CXCL5: variants seen among roughly 807,000 people sequenced by gnomAD.
The protein encoded by CXCL5 is C-X-C motif chemokine ligand 5, also known as C-X-C motif chemokine 5.
A neutral mutation model predicts 12.1 loss-of-function variants in CXCL5; 13 were observed. The observed-to-expected ratio is 1.08, with a 90% confidence interval of 0.70 to 1.71. The LOEUF (loss-of-function observed/expected upper bound fraction) is 1.71, where lower values mean the gene tolerates loss of function less well. CXCL5 is among the 40% of genes most tolerant of loss of function. CXCL5 has a pLI of 0.00. For synonymous variants in CXCL5, 67 were observed against 59.0 expected (o/e 1.14, Z -0.62); for missense variants, 159 against 142.4 (o/e 1.12, Z -0.59).
Position 73,998,281 on chromosome 4 carries a change from T to C in CXCL5, c.167A>G (p.Gln56Arg). 5 of 1,614,194 alleles carry C rather than the reference T, an allele frequency of 3.1e-6. No homozygotes were observed. Among genetic ancestry groups the C allele is most frequent in the Non-Finnish European group, 4.2e-6 (5 of 1,180,034 alleles). The change falls in exon 2 of 4, where the codon CAA becomes CGA. Residue 56 changes from glutamine to arginine, a missense_variant. Physicochemically the swap from Gln to Arg is conservative, Grantham distance 43. Coordinates refer to ENST00000296027, the MANE Select transcript of CXCL5 (RefSeq NM_002994.5). ...ELRCVCLQTT[Q>R]GVHPKMISNL... ...ACTGATCATTTTGGGATGAACTCCT[T>C]GCGTGGTCTGTAAACAAACGCAACG...
chr4:73,997,782 G>A, intron 3 of CXCL5, 127 bp from the exon 4 acceptor site: 6 of 825,372 alleles, frequency 7.3e-6, no homozygotes, highest in Non-Finnish European at 9.6e-6. Context: ...AAAGCAATGG[G>A]TAAACAAAAA....
rs201625120 is a variant in CXCL5, at chr4:73,996,089, C to G, written c.*1548G>C. ...AAAAAGGGAGGAGCTTTCCTACAAG[C>G]CTTTTCACAAGTGTCACATTTTCTC... is the stretch of plus-strand genomic sequence containing the variant. On this transcript the variant is annotated 3_prime_UTR_variant, in exon 4 of 4. Coordinates refer to ENST00000296027, the MANE Select transcript of CXCL5 (RefSeq NM_002994.5). The G allele has an allele frequency of 6.6e-6, 1 of 152,432 alleles. No homozygotes were observed. The highest frequency in any genetic ancestry group is 2.4e-5 in the African/African-American group (1 of 41,392). The allele number at this position is 152,432 out of a possible 1,614,324, so 9.4% of individuals were successfully genotyped here. A position where few individuals can be genotyped will look rare whatever the true frequency, so the allele number is the denominator to read the frequency against.
At chr4:73,997,794 CAT>C (rs1719230041) in intron 3 of CXCL5, 139 bp from the exon 4 acceptor site, 1 of 785,922 alleles carries the variant, frequency 1.3e-6, no homozygotes, top group Non-Finnish European at 2.1e-6. Flanking sequence ...AAACAAAAAA[CAT>C]AACTTAGTGA....
rs139084547 is a variant in CXCL5 at position 73,996,446 on chromosome 4, A to T, written c.*1191T>A. ...GGGCCAAAGCTGTGAGTGGGGAGGG[A>T]ACTTGCCCCAGCGTGGCCACCTTAT... On this transcript the variant is annotated 3_prime_UTR_variant, in exon 4 of 4. Coordinates refer to ENST00000296027, the MANE Select transcript of CXCL5 (RefSeq NM_002994.5). 1,215 of 152,656 alleles carry T rather than the reference A, an allele frequency of 8.0e-3. 3 individuals carry two copies. The highest frequency in any genetic ancestry group is 0.012 in the Non-Finnish European group (815 of 68,030). The allele number at this position is 152,656 out of a possible 1,614,324, so 9.5% of individuals were successfully genotyped here. A position where few individuals can be genotyped will look rare whatever the true frequency, so the allele number is the denominator to read the frequency against.
In CXCL5 at chr4:73,996,932, A is replaced by G. The variant is rs1256569147; in HGVS notation, c.*705T>C. On this transcript the variant is annotated 3_prime_UTR_variant, in exon 4 of 4. Transcript: ENST00000296027. ...ATATAAAATCAAAGTTTAAAAGTAAATGATGGCAGTTTGCCATACTAAAAA... is the reference window on the plus strand; with the variant it reads ...ATATAAAATCAAAGTTTAAAAGTAAGTGATGGCAGTTTGCCATACTAAAAA... The G allele has an allele frequency of 1.3e-5, 2 of 152,228 alleles. No homozygotes were observed. Among genetic ancestry groups the G allele is most frequent in the African/African-American group, 4.8e-5 (2 of 41,460 alleles). 9.4% of individuals were successfully genotyped at this position (152,228 alleles called of 1,614,324 possible).
At position 73,996,529 on chromosome 4, in the gene CXCL5, A is replaced by C. The variant is rs1719197462; in HGVS notation, c.*1108T>G. 2 of 152,578 alleles carry C rather than the reference A, an allele frequency of 1.3e-5. No homozygotes were observed. The highest frequency in any genetic ancestry group is 4.8e-5 in the African/African-American group (2 of 41,500). 9.5% of individuals were successfully genotyped at this position (152,578 alleles called of 1,614,324 possible). On this transcript the variant is annotated 3_prime_UTR_variant, in exon 4 of 4. Transcript: ENST00000296027. ...CTTCTTCAAATTATGATTTTGGAAA[A>C]TCTAACCCATACAGAGGGATAAAAA...
Position 73,997,745 on chromosome 4 carries a change from T to TA in CXCL5, c.327-91dup, listed in dbSNP as rs1045977188. 15 of 1,089,592 alleles carry TA rather than the reference T, an allele frequency of 1.4e-5. No individual in the cohort carries two copies. The African/African-American group carries it at 1.7e-4, about 13-fold the overall frequency. 67.5% of individuals were successfully genotyped at this position (1,089,592 alleles called of 1,614,324 possible). ...AAAACTCAGCGTTTATGATGTTTGG[T>TA]AAAAAAGGAGAATACAAAAATCAAT... is the stretch of plus-strand genomic sequence containing the variant. On this transcript the variant is annotated intron_variant, in intron 3 of 3. Transcript: ENST00000296027.
At position 73,996,554 on chromosome 4, in the gene CXCL5, A is replaced by G. The variant is rs575603094; in HGVS notation, c.*1083T>C. 6.6e-6 allele frequency: 1 copy of G among 152,626 alleles called. No individual in the cohort carries two copies. The highest frequency in any genetic ancestry group is 1.9e-4 in the East Asian group (1 of 5,188). 9.5% of individuals were successfully genotyped at this position (152,626 alleles called of 1,614,324 possible). A position where few individuals can be genotyped will look rare whatever the true frequency, so the allele number is the denominator to read the frequency against. On this transcript the variant is annotated 3_prime_UTR_variant, in exon 4 of 4. Transcript: ENST00000296027. ...ATCTAACCCATACAGAGGGATAAAA[A>G]ATTGACATCCCTTGGACAACTTCTC...
chr4:73,997,472 C>T lies in CXCL5; in HGVS notation c.*165G>A, dbSNP rs1430139064. 6.4e-6 allele frequency: 4 copies of T among 624,494 alleles called. No individual in the cohort carries two copies. In the East Asian group the frequency reaches 8.1e-5, roughly 13 times the overall value. 38.7% of individuals were successfully genotyped at this position (624,494 alleles called of 1,614,324 possible). A position where few individuals can be genotyped will look rare whatever the true frequency, so the allele number is the denominator to read the frequency against. The stretch of plus-strand genomic sequence containing the variant: ...AAGCGGCAAACATAGGTTTTCCTCA[C>T]ACTCTTCAAAGTGAGGAATCCAGGA... On this transcript the variant is annotated 3_prime_UTR_variant, in exon 4 of 4. Transcript: ENST00000296027.
rs202032683 is a variant in CXCL5, at chr4:73,996,593, G to T, written c.*1044C>A. ...GGACAACTTCTCCTTGTTTTTTTTT[G>T]TTTTGTTTTGTTTTTAACATTCCAA... is the stretch of plus-strand genomic sequence containing the variant. On this transcript the variant is annotated 3_prime_UTR_variant, in exon 4 of 4. Transcript: ENST00000296027. The T allele has an allele frequency of 8.6e-5, 13 of 151,594 alleles. No individual in the cohort carries two copies. Among genetic ancestry groups the T allele is most frequent in the South Asian group, 8.3e-4 (4 of 4,794 alleles). The allele number at this position is 151,594 out of a possible 1,614,324, so 9.4% of individuals were successfully genotyped here. A position where few individuals can be genotyped will look rare whatever the true frequency, so the allele number is the denominator to read the frequency against.
chr4:73,998,381 G>A, intron 1 of CXCL5, 43 bp from the exon 2 acceptor site: 3 of 1,611,366 alleles, frequency 1.9e-6, no homozygotes, highest in Non-Finnish European at 2.5e-6. Flanking sequence ...CAGGTTGCTG[G>A]GAGAGTTCCC....
Position 73,998,619 on chromosome 4 carries a change from T to A in CXCL5, c.-38A>T. ...AGCGCTGCGAGCGGTCGCGGGTTCC[T>A]GAACTGGGTGGAGGAGCGGAGATTG... On this transcript the variant is annotated 5_prime_UTR_variant, in exon 1 of 4. Coordinates refer to ENST00000296027, the MANE Select transcript of CXCL5 (RefSeq NM_002994.5). The A allele has an allele frequency of 2.0e-6, 3 of 1,531,272 alleles. No individual in the cohort carries two copies. Among genetic ancestry groups the A allele is most frequent in the Non-Finnish European group, 1.8e-6 (2 of 1,127,622 alleles). 94.9% of individuals were successfully genotyped at this position (1,531,272 alleles called of 1,614,324 possible). A position where few individuals can be genotyped will look rare whatever the true frequency, so the allele number is the denominator to read the frequency against.
At position 73,996,302 on chromosome 4, in the gene CXCL5, A is replaced by G. The variant is rs1329932992; in HGVS notation, c.*1335T>C. The G allele has an allele frequency of 6.6e-6, 1 of 152,550 alleles. No homozygotes were observed. The highest frequency in any genetic ancestry group is 1.5e-5 in the Non-Finnish European group (1 of 68,018). The allele number at this position is 152,550 out of a possible 1,614,324, so 9.4% of individuals were successfully genotyped here. On this transcript the variant is annotated 3_prime_UTR_variant, in exon 4 of 4. Transcript: ENST00000296027. Reference sequence around the variant, plus strand: ...TAGAACAGGCTTTACATTCAGACAGAAATGCTTCAAAATCCCAGTGAAATG... The same window carrying G: ...TAGAACAGGCTTTACATTCAGACAGGAATGCTTCAAAATCCCAGTGAAATG...
In CXCL5 at chr4:73,996,567, T is replaced by C. The variant is rs1719198999; in HGVS notation, c.*1070A>G. The stretch of plus-strand genomic sequence containing the variant: ...AGAGGGATAAAAAATTGACATCCCT[T>C]GGACAACTTCTCCTTGTTTTTTTTT... On this transcript the variant is annotated 3_prime_UTR_variant, in exon 4 of 4. Coordinates refer to ENST00000296027, the MANE Select transcript of CXCL5 (RefSeq NM_002994.5). The C allele has an allele frequency of 6.6e-6, 1 of 152,620 alleles. No individual in the cohort carries two copies. Among genetic ancestry groups the C allele is most frequent in the Non-Finnish European group, 1.5e-5 (1 of 68,032 alleles). The allele number at this position is 152,620 out of a possible 1,614,324, so 9.5% of individuals were successfully genotyped here.
In CXCL5 at chr4:73,996,960, TAAAG is replaced by T. The variant is rs1488052710; in HGVS notation, c.*673_*676del. 1 of 152,128 alleles carries T rather than the reference TAAAG, an allele frequency of 6.6e-6. No homozygotes were observed. The highest frequency in any genetic ancestry group is 1.5e-5 in the Non-Finnish European group (1 of 67,998). 9.4% of individuals were successfully genotyped at this position (152,128 alleles called of 1,614,324 possible). A position where few individuals can be genotyped will look rare whatever the true frequency, so the allele number is the denominator to read the frequency against. On this transcript the variant is annotated 3_prime_UTR_variant, in exon 4 of 4. Coordinates refer to ENST00000296027, the MANE Select transcript of CXCL5 (RefSeq NM_002994.5). ...ATGGCAGTTTGCCATACTAAAAAGATAAAGAATGTCTAAAATTATAGGAAGATAA... is the reference window on the plus strand; with the variant it reads ...ATGGCAGTTTGCCATACTAAAAAGATAATGTCTAAAATTATAGGAAGATAA...
chr4:73,998,290 T>A lies in CXCL5; in HGVS notation c.158A>T (p.Gln53Leu). 1.2e-6 allele frequency: 2 copies of A among 1,614,206 alleles called. No homozygotes were observed. Among genetic ancestry groups the A allele is most frequent in the Non-Finnish European group, 1.7e-6 (2 of 1,180,036 alleles). ...TTTGGGATGAACTCCTTGCGTGGTCTGTAAACAAACGCAACGCAGCTCTCT... is the reference window on the plus strand; with the variant it reads ...TTTGGGATGAACTCCTTGCGTGGTCAGTAAACAAACGCAACGCAGCTCTCT... The part of the protein sequence containing the change: ...VLRELRCVCL[Q>L]TTQGVHPKMI... Residue 53 changes from glutamine to leucine, a missense_variant, in exon 2 of 4, where the codon CAG becomes CTG. Coordinates refer to ENST00000296027, the MANE Select transcript of CXCL5 (RefSeq NM_002994.5).
In CXCL5 at chr4:73,998,629, G is replaced by A. The variant is rs372565472; in HGVS notation, c.-48C>T. On this transcript the variant is annotated 5_prime_UTR_variant, in exon 1 of 4. Transcript: ENST00000296027. ...GCGGTCGCGGGTTCCTGAACTGGGT[G>A]GAGGAGCGGAGATTGGAGGAGCGAA... 3 of 1,489,232 alleles carry A rather than the reference G, an allele frequency of 2.0e-6. No individual in the cohort carries two copies. The highest frequency in any genetic ancestry group is 2.8e-6 in the Non-Finnish European group (3 of 1,089,972). 92.3% of individuals were successfully genotyped at this position (1,489,232 alleles called of 1,614,324 possible). A position where few individuals can be genotyped will look rare whatever the true frequency, so the allele number is the denominator to read the frequency against.
In CXCL5 at chr4:73,998,198, G is replaced by C; in HGVS notation, c.242+8C>G. On this transcript the variant is annotated splice_region_variant and intron_variant, in intron 2 of 3. Transcript: ENST00000296027. ...AGGTCACAGCGGACACAGCAGCACA[G>C]AACTTACACCACTTCCACCTTGGAG... 1 of 1,614,188 alleles carries C rather than the reference G, an allele frequency of 6.2e-7. No individual in the cohort carries two copies. The highest frequency in any genetic ancestry group is 8.5e-7 in the Non-Finnish European group (1 of 1,180,016).
chr4:73,998,529 A>G lies in CXCL5; in HGVS notation c.53T>C (p.Leu18Ser), dbSNP rs1204037268. ...CAGCAGCAGCACCAACAGCGCGCAC[A>G]AGGAGCTCGAAGGACCGGGGACACG... ...AARVPGPSSS[L>S]CALLVLLLLL... Residue 18 changes from leucine (L) to serine (S), a missense_variant, in exon 1 of 4, where the codon TTG becomes TCG. Physicochemically the swap from Leu to Ser is moderately radical, Grantham distance 145. Coordinates refer to ENST00000296027, the MANE Select transcript of CXCL5 (RefSeq NM_002994.5). 3 of 1,595,408 alleles carry G rather than the reference A, an allele frequency of 1.9e-6. No homozygotes were observed. Among genetic ancestry groups the G allele is most frequent in the Non-Finnish European group, 2.6e-6 (3 of 1,170,790 alleles).
Sources: allele counts gnomAD v4.1 joint callset, GRCh38; gene constraint gnomAD v4.1.1; transcripts MANE v1.5; gene names NCBI Gene and HGNC (gene_info 2026-07-23, HGNC 2026-07-21).